Variants in IL1R1 observed in about 807,000 individuals in gnomAD.
The protein encoded by IL1R1 is interleukin 1 receptor type 1, also known as interleukin-1 receptor type 1.
IL1R1 carries 22 observed loss-of-function variants against 50.2 expected under a neutral mutation model. The ratio of observed to expected loss-of-function variants is 0.44; its 90% CI spans 0.31 to 0.63. IL1R1 has a LOEUF of 0.63. IL1R1 is among the 20% of genes least tolerant of loss of function. The pLI is 0.07. For missense variants in IL1R1, 509 were observed against 676.2 expected (o/e 0.75, Z 2.74); for synonymous variants, 251 against 236.7 (o/e 1.06, Z -0.55).
chr2:102,108,674 C>T (rs1175081345), intron 1 of IL1R1, among the ~76,000 whole-genome samples: 5 of 151,856 alleles, frequency 3.3e-5, no homozygotes, highest in African/African-American at 4.8e-5. Context: ...CTAGGGGCAA[C>T]TGGTTATTTA....
chr2:102,093,957 G>GT, intron 1 of IL1R1, among the ~76,000 whole-genome samples: 1 of 152,266 alleles, frequency 6.6e-6, no homozygotes, highest in East Asian at 1.9e-4. Flanking sequence ...ACCTGCCTCC[G>GT]TCCTGAGCTT....
At chr2:102,099,277 C>A (rs771070770) in intron 1 of IL1R1, among the ~76,000 whole-genome samples, 4 of 152,006 alleles carry the variant, frequency 2.6e-5, no homozygotes, top group Non-Finnish European at 5.9e-5. Flanking sequence ...AACAAAGAAC[C>A]CAAAATTAGA....
chr2:102,109,877 C>G (rs1032585175), intron 1 of IL1R1, among the ~76,000 whole-genome samples: 1 of 152,284 alleles, frequency 6.6e-6, no homozygotes, highest in Non-Finnish European at 1.5e-5. Flanking sequence ...AGGGCGGCTT[C>G]GTTTCTCCTG....
Position 102,174,672 on chromosome 2 carries a change from C to T in IL1R1, c.1077C>T (p.Phe359=). The T allele has an allele frequency of 6.2e-7, 1 of 1,612,150 alleles. No individual in the cohort carries two copies. ...GTTCTGTTTTCATCTATAAAATCTTCAAGATTGACATTGTGCTTTGGTACA... is the reference window on the plus strand; with the variant it reads ...GTTCTGTTTTCATCTATAAAATCTTTAAGATTGACATTGTGCTTTGGTACA... ...IVCSVFIYKI[F]KIDIVLWYRD... is the part of the protein sequence containing the mutation. Residue 359 remains phenylalanine (F), a synonymous_variant, in exon 10 of 12, where the codon TTC becomes TTT. Transcript: ENST00000410023.
chr2:102,122,023 C>A (rs905960497), intron 1 of IL1R1, among the ~76,000 whole-genome samples: 13 of 152,156 alleles, frequency 8.5e-5, no homozygotes, highest in African/African-American at 3.1e-4. Context: ...ACGTTTGTTT[C>A]ATACATTCAA....
intron 1 of IL1R1, among the ~76,000 whole-genome samples, chr2:102,147,206 A>ATAAATTGT (rs1418114554): frequency 6.6e-6 from 1 of 152,188 alleles, no homozygotes; most frequent in East Asian, 1.9e-4. Flanking sequence ...GTTGCAATTT[A>ATAAATTGT]TGGAACTGTC....
chr2:102,071,450 C>T (rs1408098753), intron 1 of IL1R1, among the ~76,000 whole-genome samples: 1 of 152,184 alleles, frequency 6.6e-6, no homozygotes, highest in Non-Finnish European at 1.5e-5. Context: ...GAATAAATCA[C>T]TTGCATGGCA....
At chr2:102,151,704 C>A (rs1683670687) in intron 1 of IL1R1, among the ~76,000 whole-genome samples, 1 of 152,244 alleles carries the variant, frequency 6.6e-6, no homozygotes, top group Non-Finnish European at 1.5e-5. Flanking sequence ...ACTCGTCATG[C>A]CTGGCTTTGG....
intron 2 of IL1R1, among the ~76,000 whole-genome samples, chr2:102,155,584 C>A (rs1684107499): frequency 6.6e-6 from 1 of 152,128 alleles, no homozygotes; most frequent in Non-Finnish European, 1.5e-5. Context: ...AACGCCCATC[C>A]CAAGCTCAGT....
At chr2:102,172,362 C>G in intron 8 of IL1R1, 3 of 985,372 alleles carry the variant, frequency 3.0e-6, no homozygotes, top group South Asian at 9.4e-5. Flanking sequence ...CTGCAAAGCA[C>G]TTTGTCATCT....
At chr2:102,095,183 A>G (rs535280439) in intron 1 of IL1R1, among the ~76,000 whole-genome samples, 2 of 152,312 alleles carry the variant, frequency 1.3e-5, no homozygotes, top group Admixed American at 1.3e-4. Flanking sequence ...CACACATGCA[A>G]TCCTTGCACA....
chr2:102,151,471 T>C (rs1683648048), intron 1 of IL1R1, among the ~76,000 whole-genome samples: 1 of 152,170 alleles, frequency 6.6e-6, no homozygotes, highest in African/African-American at 2.4e-5. Flanking sequence ...CTTCCTTTCT[T>C]CCACAAGTAT....
upstream of IL1R1, chr2:102,142,332 C>T (rs2104441981): frequency 6.6e-6 from 1 of 152,316 alleles, no homozygotes; most frequent in Middle Eastern, 3.4e-3. Flanking sequence ...TGGCCAGGCA[C>T]CAAGCTCCAG....
At position 102,087,008 on chromosome 2, in the gene IL1R1, G is replaced by A. The variant is rs140993002; in HGVS notation, c.-84+16475G>A. ...TTTGCTTCCAAACCACTGCAGAAAA[G>A]TGAATATTGCAATAAAGCAAGTCAC... On this transcript the variant is annotated intron_variant, in intron 1 of 11. Transcript: ENST00000409929. Among the ~76,000 whole-genome samples the A allele has an allele frequency of 5.3e-3, 809 of 151,980 alleles. 4 individuals are homozygous for A. The highest frequency in any genetic ancestry group is 0.019 in the African/African-American group (782 of 41,460).
intron 7 of IL1R1, 58 bp downstream of exon 7, chr2:102,168,721 A>G (rs1470158676): frequency 1.7e-6 from 2 of 1,211,184 alleles, no homozygotes; most frequent in Non-Finnish European, 2.4e-6. Flanking sequence ...AAAACATAAG[A>G]GTAAGATAAA....
At chr2:102,100,115 C>T (rs978215103), upstream of IL1R1, among the ~76,000 whole-genome samples, 11 of 152,222 alleles carry the variant, frequency 7.2e-5, no homozygotes, top group Non-Finnish European at 7.3e-5. Flanking sequence ...TTACCACACA[C>T]CATCTGCACA....
At chr2:102,108,247 G>C (rs967995853) in intron 1 of IL1R1, among the ~76,000 whole-genome samples, 1 of 151,476 alleles carries the variant, frequency 6.6e-6, no homozygotes, top group Admixed American at 6.6e-5. Context: ...TGTGTGGGGG[G>C]GGGTGTGTAT....
intron 3 of IL1R1, among the ~76,000 whole-genome samples, chr2:102,160,144 A>G (rs1006376769): frequency 2.0e-5 from 3 of 152,168 alleles, no homozygotes; most frequent in African/African-American, 7.2e-5. Context: ...TTCTCAAGGG[A>G]GCTTTAATAG....
chr2:102,168,940 C>G (rs914244260), intron 7 of IL1R1, among the ~76,000 whole-genome samples: 1 of 151,866 alleles, frequency 6.6e-6, no homozygotes, highest in Non-Finnish European at 1.5e-5. Flanking sequence ...GCCTAGGAAC[C>G]AGCAATGCCA....
Sources: allele counts gnomAD v4.1 joint callset (sites outside exome capture counted in the v4.1 genomes callset), GRCh38; gene constraint gnomAD v4.1.1; transcripts MANE v1.5; gene names NCBI Gene and HGNC (gene_info 2026-07-23, HGNC 2026-07-21).